The following STXBP6 variants were observed in gnomAD, a reference collection of about 807,000 sequenced individuals.
STXBP6 encodes syntaxin binding protein 6.
In STXBP6, 21 loss-of-function variants were observed where a neutral mutation model predicts 26.9. That is an observed-to-expected ratio of 0.78 (90% CI 0.55 to 1.12). The LOEUF (loss-of-function observed/expected upper bound fraction) is 1.12, where lower values mean the gene tolerates loss of function less well. Ranked by LOEUF, STXBP6 falls within the 50% of genes most tolerant of loss-of-function variation. The probability of loss-of-function intolerance (pLI) is 0.00; values close to 1 mark genes in which losing one functional copy is unlikely to be tolerated. For missense variants in STXBP6, 232 were observed against 257.9 expected, an observed-to-expected ratio of 0.90 and a Z score of 0.69; for synonymous variants, 97 against 92.6, an observed-to-expected ratio of 1.05 and a Z score of -0.27.
At chr14:24,876,645 T>G (rs1444636139) in intron 2 of STXBP6, among the ~76,000 whole-genome samples, 1 of 152,170 alleles carries the variant, frequency 6.6e-6, no homozygotes, top group East Asian at 1.9e-4. Flanking sequence ...ACTGAGAATC[T>G]TACTTCCCTT....
At chr14:24,966,415 T>G (rs930629307) in intron 2 of STXBP6, among the ~76,000 whole-genome samples, 4 of 149,236 alleles carry the variant, frequency 2.7e-5, no homozygotes, top group African/African-American at 9.8e-5. Flanking sequence ...ATGACAAGTG[T>G]GTCTACTTTG....
intron 1 of STXBP6, among the ~76,000 whole-genome samples, chr14:24,999,901 G>A (rs1343577212): frequency 6.6e-6 from 1 of 152,140 alleles, no homozygotes; most frequent in Non-Finnish European, 1.5e-5. Flanking sequence ...TTATGTGCCC[G>A]TGTCTGTAAG....
At chr14:24,946,072 C>G (rs542560011) in intron 2 of STXBP6, among the ~76,000 whole-genome samples, 2 of 152,272 alleles carry the variant, frequency 1.3e-5, no homozygotes, top group African/African-American at 4.8e-5. Context: ...TGTTGAATAT[C>G]TGAAACCAAA....
chr14:24,949,392 G>C (rs150792273), intron 2 of STXBP6, among the ~76,000 whole-genome samples: 101 of 152,222 alleles, frequency 6.6e-4, no homozygotes, highest in African/African-American at 2.3e-3. Flanking sequence ...GACAACTAAA[G>C]AGATGGAAAG....
chr14:24,996,857 T>C (rs981081001), intron 1 of STXBP6, among the ~76,000 whole-genome samples: 1 of 102,922 alleles, frequency 9.7e-6, no homozygotes, highest in Admixed American at 1.2e-4. Context: ...TGAGTGAAAC[T>C]CTGTCTCAAA....
At chr14:24,904,760 A>C (rs1312996754) in intron 2 of STXBP6, among the ~76,000 whole-genome samples, 1 of 151,976 alleles carries the variant, frequency 6.6e-6, no homozygotes, top group African/African-American at 2.4e-5. Context: ...CCCCACCAGC[A>C]CCCTGACCTT....
chr14:24,849,149 G>T (rs991220273), intron 4 of STXBP6, among the ~76,000 whole-genome samples: 2 of 151,968 alleles, frequency 1.3e-5, no homozygotes, highest in African/African-American at 2.4e-5. Context: ...ACTGTTGTTT[G>T]TATTGATGCT....
At chr14:24,887,494 C>T (rs890627517) in intron 2 of STXBP6, among the ~76,000 whole-genome samples, 1 of 152,326 alleles carries the variant, frequency 6.6e-6, no homozygotes, top group Non-Finnish European at 1.5e-5. Context: ...TGGTCTCAAA[C>T]ATTAATGGAG....
intron 2 of STXBP6, among the ~76,000 whole-genome samples, chr14:24,885,984 C>T (rs1184059433): frequency 6.6e-6 from 1 of 152,168 alleles, no homozygotes; most frequent in Non-Finnish European, 1.5e-5. Context: ...CATGAATTTG[C>T]ACTTATCCAG....
intron 2 of STXBP6, among the ~76,000 whole-genome samples, chr14:24,859,948 A>C (rs933456029): frequency 1.3e-5 from 2 of 152,198 alleles, no homozygotes; most frequent in African/African-American, 4.8e-5. Context: ...CTTTGCTATT[A>C]GCTCTGAAAA....
chr14:24,851,584 G>C (rs1465416139), intron 4 of STXBP6, among the ~76,000 whole-genome samples: 1 of 152,064 alleles, frequency 6.6e-6, no homozygotes, highest in Non-Finnish European at 1.5e-5. Flanking sequence ...CTAATAACAC[G>C]TTATTAACTC....
At chr14:24,872,993 C>T (rs1414438457) in intron 2 of STXBP6, among the ~76,000 whole-genome samples, 2 of 152,182 alleles carry the variant, frequency 1.3e-5, no homozygotes, top group Non-Finnish European at 2.9e-5. Flanking sequence ...ATGGTTCGTC[C>T]TAAACTGCCA....
At chr14:24,825,879 T>A (rs1461797950) in intron 4 of STXBP6, among the ~76,000 whole-genome samples, 1 of 152,252 alleles carries the variant, frequency 6.6e-6, no homozygotes, top group Non-Finnish European at 1.5e-5. Flanking sequence ...TTGGTTCTTA[T>A]GAATAGTTAC....
chr14:24,984,148 C>T (rs1427257324), intron 1 of STXBP6, among the ~76,000 whole-genome samples: 4 of 152,130 alleles, frequency 2.6e-5, no homozygotes, highest in Admixed American at 2.6e-4. Context: ...AGGAGAATCA[C>T]TTGAACCCGG....
At chr14:24,859,545 G>A (rs976183220) in intron 2 of STXBP6, among the ~76,000 whole-genome samples, 3 of 151,974 alleles carry the variant, frequency 2.0e-5, no homozygotes, top group Non-Finnish European at 4.4e-5. Flanking sequence ...TCATTGTTTT[G>A]TTGTTTTGGG....
At chr14:24,939,238 A>G (rs2072712842) in intron 2 of STXBP6, among the ~76,000 whole-genome samples, 1 of 152,230 alleles carries the variant, frequency 6.6e-6, no homozygotes, top group Non-Finnish European at 1.5e-5. Context: ...TACTGCATCA[A>G]CAGACCACAG....
At chr14:24,865,748 C>T (rs1167942299) in intron 2 of STXBP6, among the ~76,000 whole-genome samples, 2 of 152,036 alleles carry the variant, frequency 1.3e-5, no homozygotes, top group Admixed American at 1.3e-4. Context: ...AAGCAATGCT[C>T]TAGTCCTGTA....
chr14:24,904,908 G>T (rs931451991), intron 2 of STXBP6, among the ~76,000 whole-genome samples: 1 of 152,164 alleles, frequency 6.6e-6, no homozygotes, highest in African/African-American at 2.4e-5. Context: ...AATTAGATTT[G>T]ATTAGAAAAT....
intron 2 of STXBP6, among the ~76,000 whole-genome samples, chr14:24,879,251 T>G (rs1463488754): frequency 6.6e-6 from 1 of 152,216 alleles, no homozygotes; most frequent in Non-Finnish European, 1.5e-5. Context: ...TATGGTCATT[T>G]GTATCTCCTC....
Sources: allele counts gnomAD v4.1 joint callset (sites outside exome capture counted in the v4.1 genomes callset), GRCh38; gene constraint gnomAD v4.1.1; transcripts MANE v1.5; gene names NCBI Gene and HGNC (gene_info 2026-07-23, HGNC 2026-07-21).